The following ASTN2 variants were observed in gnomAD, a reference collection of about 807,000 sequenced individuals.
ASTN2 encodes astrotactin 2.
Under a neutral mutation model 139.8 loss-of-function variants are expected in ASTN2, and 54 were observed. That is an observed-to-expected ratio of 0.39 (90% CI 0.31 to 0.48). ASTN2 has a LOEUF of 0.48. Ranked by LOEUF, ASTN2 falls within the 20% of genes least tolerant of loss-of-function variation. The pLI, the probability that ASTN2 is intolerant of heterozygous loss-of-function variation, is 0.95. For missense variants in ASTN2, 1,565 were observed against 1,725.1 expected, an observed-to-expected ratio of 0.91 and a Z score of 1.64; for synonymous variants, 756 against 719.5, an observed-to-expected ratio of 1.05 and a Z score of -0.81.
intron 10 of ASTN2, among the ~76,000 whole-genome samples, chr9:116,904,108 G>A (rs981701617): frequency 2.6e-5 from 4 of 152,188 alleles, no homozygotes; most frequent in Non-Finnish European, 5.9e-5. Context: ...TGTGAGTGTT[G>A]TATGTCCCTC....
At chr9:116,806,990 G>A (rs369741472) in intron 12 of ASTN2, among the ~76,000 whole-genome samples, 1 of 152,124 alleles carries the variant, frequency 6.6e-6, no homozygotes, top group African/African-American at 2.4e-5. Context: ...AAAGCATATA[G>A]TACTGTGAGT....
intron 5 of ASTN2, among the ~76,000 whole-genome samples, chr9:117,050,144 G>A (rs556188197): frequency 1.3e-5 from 2 of 152,128 alleles, no homozygotes; most frequent in East Asian, 1.9e-4. Flanking sequence ...CCACACCACC[G>A]ATGAATTGGA....
chr9:116,433,206 A>T (rs1357497532), intron 22 of ASTN2, among the ~76,000 whole-genome samples: 4 of 152,256 alleles, frequency 2.6e-5, no homozygotes, highest in African/African-American at 9.6e-5. Context: ...AACCAGATTA[A>T]TGAGTGATAC....
At chr9:117,169,218 AAAT>A (rs1003119869) in intron 3 of ASTN2, among the ~76,000 whole-genome samples, 49 of 152,242 alleles carry the variant, frequency 3.2e-4, no homozygotes, top group African/African-American at 1.1e-3. Context: ...GAAAAAAAAA[AAAT>A]CTCATTCATT....
At chr9:116,587,263 C>T (rs748822057) in intron 19 of ASTN2, among the ~76,000 whole-genome samples, 36 of 151,160 alleles carry the variant, frequency 2.4e-4, no homozygotes, top group Non-Finnish European at 4.6e-4. Flanking sequence ...ATTGCTTGAA[C>T]CCAGGAGGAG....
chr9:117,267,107 T>C (rs955216203), intron 2 of ASTN2, among the ~76,000 whole-genome samples: 6 of 152,202 alleles, frequency 3.9e-5, no homozygotes, highest in Non-Finnish European at 8.8e-5. Context: ...TTCATCTTTG[T>C]GGCATTCTTT....
intron 5 of ASTN2, among the ~76,000 whole-genome samples, chr9:117,041,788 A>G (rs1465848854): frequency 6.6e-6 from 1 of 151,864 alleles, no homozygotes; most frequent in Non-Finnish European, 1.5e-5. Flanking sequence ...TACCATTAAC[A>G]CTCTTCATCA....
At chr9:116,915,137 T>C (rs912833430) in intron 10 of ASTN2, among the ~76,000 whole-genome samples, 5 of 152,110 alleles carry the variant, frequency 3.3e-5, no homozygotes, top group Admixed American at 6.5e-5. Flanking sequence ...TGGGGAGCAG[T>C]CCCCATTAAG....
intron 10 of ASTN2, among the ~76,000 whole-genome samples, chr9:116,957,049 AT>A (rs527429954): frequency 0.031 from 4,435 of 141,644 alleles, 77 homozygotes; most frequent in African/African-American, 0.042. Context: ...TTCCCAGTTA[AT>A]TTTTTTTTTT....
At chr9:117,292,489 T>C (rs1834618835) in intron 1 of ASTN2, among the ~76,000 whole-genome samples, 1 of 152,144 alleles carries the variant, frequency 6.6e-6, no homozygotes, top group Non-Finnish European at 1.5e-5. Context: ...ATCTTATGCA[T>C]GAATACAAGA....
rs571278242 is a variant in ASTN2 at position 116,771,017 on chromosome 9, T to G, written c.2396+34615A>C. On this transcript the variant is annotated intron_variant, in intron 13 of 22. Transcript: ENST00000313400. ...AGACCAAACCATTTACTGTCTTATG[T>G]ATTTTCTGTCATGTTTTCTGCTTTA... 8.5e-5 allele frequency among the ~76,000 whole-genome samples: 13 copies of G among 152,366 alleles called. No individual in the cohort carries two copies. The South Asian group carries it at 2.7e-3, about 32-fold the overall frequency.
At chr9:117,083,737 C>T (rs887983690) in intron 5 of ASTN2, among the ~76,000 whole-genome samples, 9 of 152,118 alleles carry the variant, frequency 5.9e-5, no homozygotes, top group African/African-American at 1.4e-4. Flanking sequence ...TATTCCTTCT[C>T]GCTAGTGTAA....
intron 10 of ASTN2, among the ~76,000 whole-genome samples, chr9:116,886,889 A>G (rs1833612814): frequency 6.6e-6 from 1 of 152,058 alleles, no homozygotes; most frequent in Admixed American, 6.5e-5. Context: ...TTAAGAGTTA[A>G]ATATTAACAT....
intron 6 of ASTN2, among the ~76,000 whole-genome samples, chr9:117,023,222 G>C (rs940033792): frequency 6.6e-6 from 1 of 152,052 alleles, no homozygotes; most frequent in South Asian, 2.1e-4. Context: ...CCGTGTCCTT[G>C]TCCACAGAAA....
At chr9:116,736,679 C>A (rs1017246896) in intron 13 of ASTN2, among the ~76,000 whole-genome samples, 14 of 152,138 alleles carry the variant, frequency 9.2e-5, no homozygotes, top group Non-Finnish European at 1.8e-4. Context: ...CCAGTTTAAC[C>A]GACAAGGAAA....
chr9:116,969,558 A>T (rs1028142618), intron 10 of ASTN2, among the ~76,000 whole-genome samples: 2 of 152,232 alleles, frequency 1.3e-5, no homozygotes, highest in Admixed American at 6.5e-5. Context: ...AAACAGAAAA[A>T]CAGAGTGCAC....
intron 20 of ASTN2, among the ~76,000 whole-genome samples, chr9:116,456,128 A>G (rs1038670214): frequency 1.3e-5 from 2 of 152,126 alleles, no homozygotes; most frequent in Non-Finnish European, 2.9e-5. Context: ...CTAAGATTCC[A>G]CCAAGAAAAA....
At chr9:116,465,828 G>C (rs762538807) in intron 20 of ASTN2, among the ~76,000 whole-genome samples, 22 of 152,154 alleles carry the variant, frequency 1.4e-4, no homozygotes, top group Non-Finnish European at 3.1e-4. Flanking sequence ...GGCTGAGAAG[G>C]CTACTTGATG....
Position 116,657,142 on chromosome 9 carries a change from A to G in ASTN2, c.2807-5349T>C, listed in dbSNP as rs1858265505. On this transcript the variant is annotated intron_variant, in intron 16 of 22. Transcript: ENST00000313400. Reference sequence around the variant, plus strand: ...GCCTGACTCAAGGACCCACACAAATATCTTTAAGAAGGGGAAAATAGCCAG... The same window carrying G: ...GCCTGACTCAAGGACCCACACAAATGTCTTTAAGAAGGGGAAAATAGCCAG... Among the ~76,000 whole-genome samples the G allele has an allele frequency of 2.0e-5, 3 of 152,170 alleles. No individual in the cohort carries two copies. In the South Asian group the frequency reaches 6.2e-4, roughly 32 times the overall value.
Sources: allele counts gnomAD v4.1 joint callset (sites outside exome capture counted in the v4.1 genomes callset), GRCh38; gene constraint gnomAD v4.1.1; transcripts MANE v1.5; gene names NCBI Gene and HGNC (gene_info 2026-07-23, HGNC 2026-07-21).